Variants in TBC1D19 observed in about 807,000 individuals in gnomAD.
The protein encoded by TBC1D19 is TBC1 domain family member 19, also known as TBC1 domain family, member 19.
In TBC1D19, 60 loss-of-function variants were observed where a neutral mutation model predicts 89.0. The observed-to-expected ratio is 0.67, with a 90% CI of 0.55 to 0.84. TBC1D19 has a LOEUF of 0.84. TBC1D19 is among the 40% of genes least tolerant of loss of function. TBC1D19 has a pLI of 0.00. For synonymous variants in TBC1D19, 189 were observed against 199.7 expected (o/e 0.95, Z 0.45); for missense variants, 500 against 610.8 (o/e 0.82, Z 1.91).
intron 5 of TBC1D19, 51 bp downstream of exon 5, chr4:26,637,336 G>C: frequency 7.4e-7 from 1 of 1,350,016 alleles, no homozygotes; most frequent in Non-Finnish European, 1.0e-6. Context: ...ATCAAATACA[G>C]AAAGTATCAT....
chr4:26,698,974 C>T (rs1173277968), intron 13 of TBC1D19, among the ~76,000 whole-genome samples: 6 of 152,172 alleles, frequency 3.9e-5, no homozygotes, highest in East Asian at 1.9e-4. Context: ...ATGTCTAAAA[C>T]GCCAAAAGCA....
At chr4:26,614,319 C>T in intron 2 of TBC1D19, 89 bp from the exon 3 acceptor site, 1 of 950,608 alleles carries the variant, frequency 1.1e-6, no homozygotes, top group Non-Finnish European at 1.5e-6. Flanking sequence ...AATATGATGC[C>T]AAAGTTTTAT....
the TBC1D19 span, among the ~76,000 whole-genome samples, chr4:26,777,979 G>C: frequency 4.0e-5 from 6 of 151,830 alleles, no homozygotes; most frequent in Non-Finnish European, 8.8e-5. Context: ...AGGCTGAGGT[G>C]GGGGGATTGC....
the TBC1D19 span, among the ~76,000 whole-genome samples, chr4:26,841,584 C>T: frequency 3.9e-5 from 6 of 152,008 alleles, no homozygotes; most frequent in Admixed American, 1.3e-4. Context: ...GTGGTGCATG[C>T]GAGCTGGTGA....
intron 7 of TBC1D19, among the ~76,000 whole-genome samples, chr4:26,655,265 G>A (rs986947321): frequency 2.0e-5 from 3 of 152,172 alleles, no homozygotes; most frequent in South Asian, 2.1e-4. Flanking sequence ...GGCCATGTGA[G>A]GTGTCAGTCT....
intron 17 of TBC1D19, 77 bp downstream of exon 17, chr4:26,740,050 C>A (rs1444677407): frequency 4.3e-6 from 4 of 938,760 alleles, no homozygotes; most frequent in Middle Eastern, 4.6e-4. Context: ...AAAAAGTCTT[C>A]TACTCAAATT....
chr4:26,678,012 C>T (rs1348846528), intron 11 of TBC1D19, among the ~76,000 whole-genome samples: 1 of 152,100 alleles, frequency 6.6e-6, no homozygotes, highest in Non-Finnish European at 1.5e-5. Context: ...CTATAGATAT[C>T]TGAAAATGTG....
At chr4:26,734,794 C>T (rs1477152731) in intron 15 of TBC1D19, among the ~76,000 whole-genome samples, 3 of 152,006 alleles carry the variant, frequency 2.0e-5, no homozygotes, top group Non-Finnish European at 4.4e-5. Flanking sequence ...AATCTATTGA[C>T]TTTCTGAGAC....
At chr4:26,739,418 T>C (rs1718223099) in intron 16 of TBC1D19, among the ~76,000 whole-genome samples, 1 of 152,212 alleles carries the variant, frequency 6.6e-6, no homozygotes, top group Non-Finnish European at 1.5e-5. Context: ...TCATAAATCA[T>C]CTGTTTTACT....
At chr4:26,682,136 C>T (rs1316817791) in intron 11 of TBC1D19, among the ~76,000 whole-genome samples, 1 of 152,106 alleles carries the variant, frequency 6.6e-6, no homozygotes, top group East Asian at 1.9e-4. Context: ...AACCCCTAAA[C>T]GTAGCTTTTG....
chr4:26,657,674 A>G (rs1405519225), intron 7 of TBC1D19, among the ~76,000 whole-genome samples: 2 of 152,166 alleles, frequency 1.3e-5, no homozygotes, highest in Admixed American at 6.5e-5. Context: ...GTCTTCCACA[A>G]TGGTTGAACT....
chr4:26,770,057 G>C, the TBC1D19 span, among the ~76,000 whole-genome samples: 1 of 144,766 alleles, frequency 6.9e-6, no homozygotes, highest in African/African-American at 2.5e-5. Flanking sequence ...AACAGATGGA[G>C]AAAAATAGAA....
chr4:26,723,534 T>G (rs191788755), intron 15 of TBC1D19, among the ~76,000 whole-genome samples: 1 of 152,216 alleles, frequency 6.6e-6, no homozygotes, highest in East Asian at 1.9e-4. Flanking sequence ...TGTGATTACC[T>G]TCCCTGGGAG....
chr4:26,714,563 A>C (rs932679369), intron 13 of TBC1D19, among the ~76,000 whole-genome samples: 7 of 152,080 alleles, frequency 4.6e-5, no homozygotes, highest in Admixed American at 1.3e-4. Context: ...TCTAGTCACC[A>C]GTGGCAAATT....
intron 1 of TBC1D19, among the ~76,000 whole-genome samples, chr4:26,593,474 C>A (rs1303196637): frequency 2.0e-5 from 3 of 152,074 alleles, no homozygotes; most frequent in African/African-American, 4.8e-5. Context: ...GCAACAAAAG[C>A]CAAAATTGAC....
chr4:26,704,828 T>C (rs1233069190), intron 13 of TBC1D19, among the ~76,000 whole-genome samples: 3 of 152,146 alleles, frequency 2.0e-5, no homozygotes, highest in Non-Finnish European at 4.4e-5. Flanking sequence ...TTTCAACTTT[T>C]TGAGGAAGTG....
At chr4:26,750,670 T>A (rs1718899914) in intron 19 of TBC1D19, among the ~76,000 whole-genome samples, 1 of 152,216 alleles carries the variant, frequency 6.6e-6, no homozygotes, top group Admixed American at 6.5e-5. Flanking sequence ...TCTGCATTAT[T>A]GCTTCCACCC....
At chr4:26,583,203 TG>T (rs199540483), upstream of TBC1D19, among the ~76,000 whole-genome samples, 1 of 151,568 alleles carries the variant, frequency 6.6e-6, no homozygotes, top group Admixed American at 6.6e-5. Context: ...AGGCCTTTTT[TG>T]GGGGGGGAAG....
At chr4:26,679,072 G>C (rs1164476824) in intron 11 of TBC1D19, among the ~76,000 whole-genome samples, 1 of 152,158 alleles carries the variant, frequency 6.6e-6, no homozygotes, top group African/African-American at 2.4e-5. Flanking sequence ...CCCATTTTCT[G>C]GGTAGAAATT....
Sources: gnomAD v4.1 joint callset for allele counts (sites outside exome capture counted in the v4.1 genomes callset) on GRCh38, gnomAD v4.1.1 for gene constraint, MANE v1.5 for transcripts, NCBI Gene and HGNC (gene_info 2026-07-23, HGNC 2026-07-21) for gene names.